The following ERBIN variants were observed in gnomAD, a reference collection of about 807,000 sequenced individuals.
The protein encoded by ERBIN is erbb2 interacting protein, also known as densin-180-like protein.
ERBIN carries 60 observed loss-of-function variants against 158.4 expected under a neutral mutation model. The ratio of observed to expected loss-of-function variants is 0.38; its 90% CI spans 0.31 to 0.47. The LOEUF (loss-of-function observed/expected upper bound fraction) is 0.47. Among genes scored for constraint, ERBIN ranks in the 20% least tolerant of loss-of-function variants. ERBIN has a pLI of 0.99. For missense variants in ERBIN, 1,610 were observed against 1,648.0 expected (o/e 0.98, Z 0.40); for synonymous variants, 594 against 557.2 (o/e 1.07, Z -0.93).
At chr5:65,970,559 A>G (rs1047666257) in intron 1 of ERBIN, among the ~76,000 whole-genome samples, 1 of 151,996 alleles carries the variant, frequency 6.6e-6, no homozygotes, top group Non-Finnish European at 1.5e-5. Flanking sequence ...CCACCAGACT[A>G]TTTGGTCTCC....
At chr5:65,955,505 C>T (rs764152986) in intron 1 of ERBIN, among the ~76,000 whole-genome samples, 56 of 152,058 alleles carry the variant, frequency 3.7e-4, no homozygotes, top group Non-Finnish European at 7.5e-4. Context: ...TGGCGGGTGC[C>T]TATAATCCCA....
At chr5:65,960,962 A>G (rs922551966) in intron 1 of ERBIN, among the ~76,000 whole-genome samples, 2 of 152,190 alleles carry the variant, frequency 1.3e-5, no homozygotes, top group African/African-American at 4.8e-5. Context: ...CGAAAATGTT[A>G]TCATGTATTT....
rs551976890 is a variant in ERBIN, at chr5:65,959,827, G to C, written c.-57-28808G>C. On this transcript the variant is annotated intron_variant, in intron 1 of 25. Transcript: ENST00000284037. ...AGAAAAAGCAACATGATTTTTTCTTGACTGGAACAAAGAACACGTGACAGA... is the reference window on the plus strand; with the variant it reads ...AGAAAAAGCAACATGATTTTTTCTTCACTGGAACAAAGAACACGTGACAGA... 8.5e-5 allele frequency among the ~76,000 whole-genome samples: 13 copies of C among 152,152 alleles called. No individual in the cohort carries two copies. In the East Asian group the frequency reaches 2.5e-3, roughly 29 times the overall value.
intron 14 of ERBIN, among the ~76,000 whole-genome samples, chr5:66,029,027 G>A (rs1001064154): frequency 7.9e-5 from 12 of 152,150 alleles, no homozygotes; most frequent in Middle Eastern, 3.4e-3. Context: ...GTGTATTTGT[G>A]TACACACACT....
chr5:66,010,525 A>C (rs1754094917), intron 4 of ERBIN, among the ~76,000 whole-genome samples: 2 of 152,076 alleles, frequency 1.3e-5, no homozygotes, highest in Admixed American at 1.3e-4. Context: ...TTTACCCACT[A>C]GTTTTAGCAT....
intron 1 of ERBIN, among the ~76,000 whole-genome samples, chr5:65,977,168 G>A (rs1260150698): frequency 1.3e-5 from 2 of 148,996 alleles, no homozygotes; most frequent in Non-Finnish European, 3.0e-5. Flanking sequence ...CCTCCCTCCC[G>A]GACGGGGCGG....
chr5:66,037,059 T>A (rs1019061485), intron 14 of ERBIN, among the ~76,000 whole-genome samples: 5 of 152,166 alleles, frequency 3.3e-5, no homozygotes, highest in Admixed American at 2.0e-4. Context: ...TTTAGAAGAT[T>A]TTCAGGGTGA....
chr5:66,012,147 A>T lies in ERBIN; in HGVS notation c.386+20A>T. On this transcript the variant is annotated intron_variant, in intron 5 of 25. Coordinates refer to ENST00000284037, the MANE Select transcript of ERBIN (RefSeq NM_001253697.2). Reference sequence around the variant, plus strand: ...TTCCAAGTAAGTTCTCAGGTGAATTATAAATTACTTTTGTGAATAAAACAA... The same window carrying T: ...TTCCAAGTAAGTTCTCAGGTGAATTTTAAATTACTTTTGTGAATAAAACAA... The T allele has an allele frequency of 6.7e-7, 1 of 1,500,564 alleles. No homozygotes were observed. Among genetic ancestry groups the T allele is most frequent in the Non-Finnish European group, 9.1e-7 (1 of 1,101,154 alleles). 93.0% of individuals were successfully genotyped at this position (1,500,564 alleles called of 1,614,324 possible).
chr5:66,046,368 A>T lies in ERBIN; in HGVS notation c.1618A>T (p.Thr540Ser). 1 of 1,576,632 alleles carries T rather than the reference A, an allele frequency of 6.3e-7. No individual in the cohort carries two copies. Residue 540 changes from threonine to serine, a missense_variant, in exon 18 of 26, where the codon ACT becomes TCT. Coordinates refer to ENST00000284037, the MANE Select transcript of ERBIN (RefSeq NM_001253697.2). ...TTTTACTTAGACCTCAGAAAGTACT[A>T]CTACAGTAAAAAGCAAAGTTGATGA... ...DVGVKTSEST[T>S]TVKSKVDERE...
rs752488691 is a variant in ERBIN, at chr5:66,054,625, GATT to G, written c.3311_3313del (p.Tyr1104del). 3.1e-6 allele frequency: 5 copies of G among 1,614,006 alleles called. No individual in the cohort carries two copies. The highest frequency in any genetic ancestry group is 4.2e-6 in the Non-Finnish European group (5 of 1,180,018). On this transcript the variant is annotated inframe_deletion, in exon 21 of 26. Coordinates refer to ENST00000284037, the MANE Select transcript of ERBIN (RefSeq NM_001253697.2). ...AAGGCGGGCTCAGATTCCTGAAGGA[GATT>G]ATTTATCATACAGAGAGTTCCACTC...
chr5:65,975,369 A>G (rs1301413094), intron 1 of ERBIN, among the ~76,000 whole-genome samples: 1 of 151,906 alleles, frequency 6.6e-6, no homozygotes. Context: ...ACAGTGGCGC[A>G]ATCTCGGCTC....
At chr5:66,077,212 A>G (rs1762068509) in intron 25 of ERBIN, among the ~76,000 whole-genome samples, 1 of 151,938 alleles carries the variant, frequency 6.6e-6, no homozygotes, top group African/African-American at 2.4e-5. Flanking sequence ...AGGAATGTTA[A>G]TTTTTACTAA....
intron 21 of ERBIN, 193 bp downstream of exon 21, chr5:66,055,144 C>G (rs1446361806): frequency 3.0e-6 from 4 of 1,316,308 alleles, no homozygotes; most frequent in Non-Finnish European, 3.9e-6. Context: ...TCTATCCTCT[C>G]CTTCACTCCC....
At position 65,980,931 on chromosome 5, in the gene ERBIN, C is replaced by G. The variant is rs550240574; in HGVS notation, c.-57-7704C>G. The stretch of plus-strand genomic sequence containing the variant: ...GGTAAGGCTATAGAAGATTTGAATA[C>G]AACTGTCAACCAATTTTATCTAATT... On this transcript the variant is annotated intron_variant, in intron 1 of 25. Transcript: ENST00000284037. Among the ~76,000 whole-genome samples, 5 of 152,280 alleles carry G rather than the reference C, an allele frequency of 3.3e-5. No homozygotes were observed. The East Asian group carries it at 7.7e-4, about 23-fold the overall frequency.
chr5:65,973,542 C>CA (rs1749513663), intron 1 of ERBIN, among the ~76,000 whole-genome samples: 1 of 151,376 alleles, frequency 6.6e-6, no homozygotes, highest in African/African-American at 2.5e-5. Flanking sequence ...CTCTGGCACT[C>CA]ACATCTAGGA....
intron 20 of ERBIN, among the ~76,000 whole-genome samples, chr5:66,051,205 ATATT>A (rs1176660542): frequency 6.6e-6 from 1 of 152,102 alleles, no homozygotes; most frequent in Non-Finnish European, 1.5e-5. Context: ...AAAAAGTTGA[ATATT>A]TATATATTTT....
intron 1 of ERBIN, among the ~76,000 whole-genome samples, chr5:65,949,933 A>G (rs1345072484): frequency 6.6e-6 from 1 of 152,108 alleles, no homozygotes; most frequent in Admixed American, 6.5e-5. Context: ...AGGTCTCCCA[A>G]GGTGCTGGGA....
rs75372674 is a variant in ERBIN, at chr5:65,966,245, A to G, written c.-57-22390A>G. ...GGTTGTGTTGATGTTTGTGTAAACA[A>G]ACTTTCTGCACTGCCAGTTGTATAA... On this transcript the variant is annotated intron_variant, in intron 1 of 25. Coordinates refer to ENST00000284037, the MANE Select transcript of ERBIN (RefSeq NM_001253697.2). 6.2e-3 allele frequency among the ~76,000 whole-genome samples: 951 copies of G among 152,344 alleles called. 16 individuals are homozygous for G. The highest frequency in any genetic ancestry group is 0.022 in the African/African-American group (913 of 41,578).
chr5:66,072,410 A>AT, intron 22 of ERBIN, 119 bp downstream of exon 22: 1 of 960,362 alleles, frequency 1.0e-6, no homozygotes, highest in Non-Finnish European at 1.5e-6. Flanking sequence ...TCCCCCCTTT[A>AT]TTAGTAAGGA....
Sources: allele counts gnomAD v4.1 joint callset (sites outside exome capture counted in the v4.1 genomes callset), GRCh38; gene constraint gnomAD v4.1.1; transcripts MANE v1.5; gene names NCBI Gene and HGNC (gene_info 2026-07-23, HGNC 2026-07-21).